Variants in NRXN3 observed in about 807,000 individuals in gnomAD.
NRXN3 encodes the protein neurexin III.
Under a neutral mutation model 137.6 loss-of-function variants are expected in NRXN3, and 32 were observed. The observed-to-expected ratio is 0.23, with a 90% CI of 0.18 to 0.31. The LOEUF (loss-of-function observed/expected upper bound fraction) is 0.31. Among genes scored for constraint, NRXN3 ranks in the 10% least tolerant of loss-of-function variants. The pLI is 1.00. For synonymous variants in NRXN3, 798 were observed against 784.5 expected, an observed-to-expected ratio of 1.02 and a Z score of -0.29; for missense variants, 1,574 against 2,062.5, an observed-to-expected ratio of 0.76 and a Z score of 4.59.
chr14:79,401,435 A>G (rs1453152129), intron 15 of NRXN3, among the ~76,000 whole-genome samples: 1 of 152,204 alleles, frequency 6.6e-6, no homozygotes, highest in African/African-American at 2.4e-5. Context: ...ACTGACTCAG[A>G]AACTCTGACG....
chr14:78,644,844 T>G (rs1347388440), intron 4 of NRXN3, among the ~76,000 whole-genome samples: 1 of 152,216 alleles, frequency 6.6e-6, no homozygotes, highest in Non-Finnish European at 1.5e-5. Context: ...TTTAGGTTTT[T>G]CTTGAGAAAA....
At chr14:78,948,371 C>G (rs989524107) in intron 10 of NRXN3, among the ~76,000 whole-genome samples, 1 of 152,188 alleles carries the variant, frequency 6.6e-6, no homozygotes, top group Non-Finnish European at 1.5e-5. Flanking sequence ...TGCCCTCACT[C>G]CCATTTCTTG....
intron 4 of NRXN3, among the ~76,000 whole-genome samples, chr14:78,379,070 A>T (rs924255132): frequency 6.6e-6 from 1 of 152,100 alleles, no homozygotes; most frequent in African/African-American, 2.4e-5. Context: ...CAACTTGGTA[A>T]TATAAAATAG....
intron 4 of NRXN3, among the ~76,000 whole-genome samples, chr14:78,307,202 GTTTTT>G (rs34790053): frequency 6.8e-6 from 1 of 147,362 alleles, no homozygotes; most frequent in South Asian, 2.1e-4. Context: ...CAGCTTAAAG[GTTTTT>G]TTTTTTTAAC....
chr14:78,375,451 G>T (rs2087647150), intron 4 of NRXN3, among the ~76,000 whole-genome samples: 1 of 151,878 alleles, frequency 6.6e-6, no homozygotes, highest in Admixed American at 6.6e-5. Context: ...ATCCTATTTT[G>T]GATACTTTCT....
rs923468999 is a variant in NRXN3 at position 79,221,116 on chromosome 14, G to A, written c.3262+232975G>A. Among the ~76,000 whole-genome samples, 3 of 152,222 alleles carry A rather than the reference G, an allele frequency of 2.0e-5. No individual in the cohort carries two copies. In the South Asian group the frequency reaches 6.2e-4, roughly 32 times the overall value. On this transcript the variant is annotated intron_variant, in intron 15 of 20. Transcript: ENST00000335750. ...TTTTATGGCTGCATTGTATTCCATG[G>A]TGTATATGTGCCACATTTTCTTTAT...
At chr14:79,072,817 ACT>A (rs2099689681) in intron 15 of NRXN3, among the ~76,000 whole-genome samples, 2 of 149,660 alleles carry the variant, frequency 1.3e-5, no homozygotes, top group African/African-American at 4.9e-5. Context: ...CATCCTTTGT[ACT>A]CTGTCTCCCC....
At chr14:78,892,969 T>C (rs2099163570) in intron 10 of NRXN3, among the ~76,000 whole-genome samples, 2 of 151,922 alleles carry the variant, frequency 1.3e-5, no homozygotes, top group Non-Finnish European at 2.9e-5. Flanking sequence ...GCAGGTGGCC[T>C]CTTCTGATAC....
chr14:78,904,030 A>G (rs368073922), intron 10 of NRXN3, among the ~76,000 whole-genome samples: 2 of 152,038 alleles, frequency 1.3e-5, no homozygotes, highest in Middle Eastern at 3.2e-3. Context: ...TATCCTCACC[A>G]TCACAGTATG....
At chr14:79,368,012 C>T (rs2093958844) in intron 15 of NRXN3, among the ~76,000 whole-genome samples, 2 of 152,128 alleles carry the variant, frequency 1.3e-5, no homozygotes, top group Admixed American at 1.3e-4. Context: ...TGAACGTTTT[C>T]ATCTTTACAT....
At chr14:79,625,080 G>A (rs191481033) in intron 16 of NRXN3, among the ~76,000 whole-genome samples, 8 of 152,146 alleles carry the variant, frequency 5.3e-5, no homozygotes, top group South Asian at 2.1e-4. Flanking sequence ...ATTATGGTGC[G>A]AGCCACTGCT....
At chr14:79,487,994 G>A (rs2096673425) in intron 16 of NRXN3, among the ~76,000 whole-genome samples, 1 of 152,118 alleles carries the variant, frequency 6.6e-6, no homozygotes, top group African/African-American at 2.4e-5. Context: ...CTTCATACCT[G>A]GGAGGACAGA....
chr14:79,438,030 G>C (rs2095871375), intron 15 of NRXN3, among the ~76,000 whole-genome samples: 1 of 152,082 alleles, frequency 6.6e-6, no homozygotes, highest in South Asian at 2.1e-4. Flanking sequence ...TCTTGCAATA[G>C]CCAGCATGGC....
At chr14:79,589,691 CA>C (rs779843165) in intron 16 of NRXN3, among the ~76,000 whole-genome samples, 24 of 148,896 alleles carry the variant, frequency 1.6e-4, no homozygotes, top group Middle Eastern at 3.5e-3. Flanking sequence ...CATTATTGAA[CA>C]AAAAAAAAGC....
At chr14:78,537,079 G>A (rs950908810) in intron 4 of NRXN3, among the ~76,000 whole-genome samples, 1 of 152,176 alleles carries the variant, frequency 6.6e-6, no homozygotes, top group African/African-American at 2.4e-5. Context: ...ATGTGCATAT[G>A]TCTTTATAGT....
intron 15 of NRXN3, among the ~76,000 whole-genome samples, chr14:79,266,604 A>G (rs2078502326): frequency 6.6e-6 from 1 of 152,110 alleles, no homozygotes; most frequent in African/African-American, 2.4e-5. Context: ...CAAGGTCTTG[A>G]GTTTGGGAGT....
chr14:79,274,101 CAA>C (rs569693397), intron 15 of NRXN3, among the ~76,000 whole-genome samples: 12 of 74,232 alleles, frequency 1.6e-4, no homozygotes, highest in Non-Finnish European at 1.4e-4. Context: ...GACTCCGTCT[CAA>C]AAAAAAAAAA....
At chr14:78,644,790 A>G (rs2097670252) in intron 4 of NRXN3, among the ~76,000 whole-genome samples, 1 of 152,218 alleles carries the variant, frequency 6.6e-6, no homozygotes, top group African/African-American at 2.4e-5. Flanking sequence ...TCCTGAAGCA[A>G]AAGCAACTCG....
At chr14:78,873,765 T>C (rs1479226556) in intron 10 of NRXN3, among the ~76,000 whole-genome samples, 2 of 152,158 alleles carry the variant, frequency 1.3e-5, no homozygotes, top group African/African-American at 2.4e-5. Flanking sequence ...GGGAGCTTAT[T>C]GGAAGTACAG....
Sources: gnomAD v4.1 joint callset for allele counts (sites outside exome capture counted in the v4.1 genomes callset) on GRCh38, gnomAD v4.1.1 for gene constraint, MANE v1.5 for transcripts, NCBI Gene and HGNC (gene_info 2026-07-23, HGNC 2026-07-21) for gene names.